The following ZNF385A variants were observed in gnomAD, a reference collection of about 807,000 sequenced individuals.
The protein encoded by ZNF385A is zinc finger protein 385A.
Under a neutral mutation model 32.1 loss-of-function variants are expected in ZNF385A, and 14 were observed. That is an observed-to-expected ratio of 0.44 (90% CI 0.29 to 0.68). The LOEUF (loss-of-function observed/expected upper bound fraction) is 0.68. Ranked by LOEUF, ZNF385A falls within the 30% of genes least tolerant of loss-of-function variation. ZNF385A has a pLI of 0.14. For missense variants in ZNF385A, 406 were observed against 478.4 expected, an observed-to-expected ratio of 0.85 and a Z score of 1.41; for synonymous variants, 197 against 202.7, an observed-to-expected ratio of 0.97 and a Z score of 0.24.
chr12:54,390,664 C>T (rs1413229045), intron 1 of ZNF385A, among the ~76,000 whole-genome samples: 1 of 144,994 alleles, frequency 6.9e-6, no homozygotes, highest in South Asian at 2.2e-4. Flanking sequence ...TTCTCCCAAG[C>T]CCCTCTTCTC....
chr12:54,374,468 G>A (rs1293594932), intron 2 of ZNF385A, among the ~76,000 whole-genome samples: 2 of 152,112 alleles, frequency 1.3e-5, no homozygotes, highest in African/African-American at 4.8e-5. Flanking sequence ...TAAATGGGGA[G>A]AGGCCTAGCA....
upstream of ZNF385A, chr12:54,384,952 C>T (rs1226512251): frequency 6.9e-6 from 7 of 1,012,858 alleles, no homozygotes; most frequent in Non-Finnish European, 8.3e-6. Context: ...CCAGGGGATC[C>T]TAAAGCTTGG....
intron 1 of ZNF385A, among the ~76,000 whole-genome samples, chr12:54,382,068 G>A (rs1298561326): frequency 1.3e-5 from 2 of 150,940 alleles, no homozygotes; most frequent in Non-Finnish European, 3.0e-5. Context: ...TTGTTAAATT[G>A]AATTTTTTTT....
Position 54,373,996 on chromosome 12 carries a change from C to T in ZNF385A, c.338G>A (p.Gly113Glu), listed in dbSNP as rs141579574. ...PAPPGSTPTN[G>E]DGVAPRPVSM... ...ACCTGGACGGGGTGCTACACCATCC[C>T]CATTTGTTGGGGTGCTGCCTGGGGG... The change falls in exon 3 of 7, where the codon GGG becomes GAG. Residue 113 changes from glycine (G) to glutamate (E), a missense_variant. By Grantham distance (98) the Gly-to-Glu change is moderately conservative. Coordinates refer to ENST00000394313, the MANE Select transcript of ZNF385A (RefSeq NM_015481.3). 8.9e-6 allele frequency: 14 copies of T among 1,572,728 alleles called. No homozygotes were observed. Among genetic ancestry groups the T allele is most frequent in the Non-Finnish European group, 1.2e-5 (14 of 1,157,036 alleles).
chr12:54,386,201 CACACACACAG>C (rs1360605122), upstream of ZNF385A, among the ~76,000 whole-genome samples: 3 of 149,858 alleles, frequency 2.0e-5, no homozygotes, highest in Non-Finnish European at 4.4e-5. Context: ...CACACACACA[CACACACACAG>C]AGAGACGGAC....
rs752247719 is a variant in ZNF385A at position 54,370,638 on chromosome 12, G to A, written c.858C>T (p.Ala286=). ...LLSRHKKSRG[A]GELAGTLTFS... ...ATCCAGGCCTCACCGCCAGCTCCCC[G>A]GCGCCCCTAGACTTCTTGTGACGGC... Residue 286 remains alanine (A), a synonymous_variant, in exon 6 of 7, where the codon GCC becomes GCT. Transcript: ENST00000394313. The surrounding 1 kb of genome is among the most constrained non-coding windows in gnomAD (Gnocchi z 5.5). 11 of 1,601,026 alleles carry A rather than the reference G, an allele frequency of 6.9e-6. No individual in the cohort carries two copies. Among genetic ancestry groups the A allele is most frequent in the Middle Eastern group, 1.7e-4 (1 of 5,892 alleles).
chr12:54,377,200 C>T (rs568589108), intron 1 of ZNF385A, among the ~76,000 whole-genome samples: 1 of 152,224 alleles, frequency 6.6e-6, no homozygotes, highest in South Asian at 2.1e-4. Flanking sequence ...GGGTTAATGT[C>T]AGGAAATGGG....
At chr12:54,384,388 G>A (rs1955356831) in intron 1 of ZNF385A, 40 bp downstream of exon 1, 4 of 1,546,862 alleles carry the variant, frequency 2.6e-6, no homozygotes, top group Non-Finnish European at 3.5e-6. Flanking sequence ...GAAAGGTCGG[G>A]TCACAAGAGG....
chr12:54,389,239 T>C (rs77659780), upstream of ZNF385A, among the ~76,000 whole-genome samples: 539 of 152,318 alleles, frequency 3.5e-3, 3 homozygotes, highest in African/African-American at 0.012. Flanking sequence ...GGGTGTCACA[T>C]GCTAGGCAGG....
chr12:54,384,736 C>T, upstream of ZNF385A: 1 of 1,305,468 alleles, frequency 7.7e-7, no homozygotes, highest in Non-Finnish European at 9.7e-7. Context: ...AGCACAGTGC[C>T]CTGTGGGCCT....
At position 54,370,797 on chromosome 12, in the gene ZNF385A, G is replaced by C; in HGVS notation, c.775-76C>G. On this transcript the variant is annotated intron_variant, in intron 5 of 6. Coordinates refer to ENST00000394313, the MANE Select transcript of ZNF385A (RefSeq NM_015481.3). The surrounding 1 kb of genome is among the most constrained non-coding windows in gnomAD (Gnocchi z 5.5). Reference sequence around the variant, plus strand: ...GCGAGGGAGTATAATCAAGCTCCAAGCACCGGCCCCCTCCCATCTGGCCCC... The same window carrying C: ...GCGAGGGAGTATAATCAAGCTCCAACCACCGGCCCCCTCCCATCTGGCCCC... The C allele has an allele frequency of 6.3e-7, 1 of 1,590,176 alleles. No individual in the cohort carries two copies. Among genetic ancestry groups the C allele is most frequent in the Non-Finnish European group, 8.6e-7 (1 of 1,169,246 alleles).
At chr12:54,373,921 A>G in intron 3 of ZNF385A, 52 bp downstream of exon 3, 3 of 1,411,494 alleles carry the variant, frequency 2.1e-6, no homozygotes, top group East Asian at 5.1e-5. Flanking sequence ...AAAGGGGGAG[A>G]GAATAGAGAA....
chr12:54,383,067 C>T (rs1009257664), intron 1 of ZNF385A, among the ~76,000 whole-genome samples: 7 of 152,024 alleles, frequency 4.6e-5, no homozygotes, highest in Admixed American at 2.0e-4. Context: ...GAGGGTGAGG[C>T]AGGAGAATGG....
chr12:54,370,726 G>T lies in ZNF385A; in HGVS notation c.775-5C>A. 6.3e-7 allele frequency: 1 copy of T among 1,584,400 alleles called. No individual in the cohort carries two copies. Among genetic ancestry groups the T allele is most frequent in the African/African-American group, 1.3e-5 (1 of 74,654 alleles). On this transcript the variant is annotated splice_region_variant and splice_polypyrimidine_tract_variant and intron_variant, in intron 5 of 6. Coordinates refer to ENST00000394313, the MANE Select transcript of ZNF385A (RefSeq NM_015481.3). The surrounding 1 kb of genome is among the most constrained non-coding windows in gnomAD (Gnocchi z 5.5). ...GTGCCGCCGGCTGGAGATGTGCTGC[G>T]GGGGCCAGTGGATAGGGGGCTGTGA...
In ZNF385A at chr12:54,384,716, A is replaced by T. The variant is rs1955378697; in HGVS notation, c.-202T>A. 1.5e-6 allele frequency: 2 copies of T among 1,342,496 alleles called. No individual in the cohort carries two copies. The highest frequency in any genetic ancestry group is 3.0e-5 in the African/African-American group (2 of 65,664). The allele number at this position is 1,342,496 out of a possible 1,614,324, so 83.2% of individuals were successfully genotyped here. A position where few individuals can be genotyped will look rare whatever the true frequency, so the allele number is the denominator to read the frequency against. ...TGTACACACTTCCCCTGCTGGCTCCAGAGCAATGGAGCACAGTGCCCTGTG... is the reference window on the plus strand; with the variant it reads ...TGTACACACTTCCCCTGCTGGCTCCTGAGCAATGGAGCACAGTGCCCTGTG... On this transcript the variant is annotated 5_prime_UTR_variant, in exon 1 of 7. Coordinates refer to ENST00000394313, the MANE Select transcript of ZNF385A (RefSeq NM_015481.3).
chr12:54,391,173 G>A (rs1374999140), intron 1 of ZNF385A: 3 of 1,460,908 alleles, frequency 2.1e-6, no homozygotes, highest in Non-Finnish European at 2.7e-6. Context: ...GGAGGGGGGC[G>A]GTGGGTGACC....
intron 1 of ZNF385A, among the ~76,000 whole-genome samples, chr12:54,382,354 G>T (rs184059537): frequency 6.6e-6 from 1 of 152,110 alleles, no homozygotes; most frequent in Non-Finnish European, 1.5e-5. Context: ...GATTACAAGC[G>T]TGAGCCACCA....
upstream of ZNF385A, chr12:54,384,857 A>C (rs1592269572): frequency 8.8e-7 from 1 of 1,142,638 alleles, no homozygotes. Flanking sequence ...AAGAGCTCAT[A>C]CCTTTTCTGC....
At chr12:54,383,934 C>A (rs1260784776) in intron 1 of ZNF385A, among the ~76,000 whole-genome samples, 1 of 152,158 alleles carries the variant, frequency 6.6e-6, no homozygotes, top group African/African-American at 2.4e-5. Context: ...ACAGCACCTC[C>A]TTATTTCATA....
Sources: gnomAD v4.1 joint callset for allele counts (sites outside exome capture counted in the v4.1 genomes callset) on GRCh38, gnomAD v4.1.1 for gene constraint, Gnocchi (gnomAD v3.1) non-coding constraint, MANE v1.5 for transcripts, NCBI Gene and HGNC (gene_info 2026-07-23, HGNC 2026-07-21) for gene names.